The following KCNK2 variants were observed in gnomAD, a reference collection of about 807,000 sequenced individuals.
KCNK2 encodes the protein potassium channel subfamily K member 2.
In KCNK2, 21 loss-of-function variants were observed where a neutral mutation model predicts 40.5. The observed-to-expected ratio is 0.52, with a 90% CI of 0.37 to 0.75. KCNK2 has a LOEUF of 0.75. KCNK2 is among the 30% of genes least tolerant of loss of function. The pLI is 0.00. For missense variants in KCNK2, 399 were observed against 531.6 expected (o/e 0.75, Z 2.45); for synonymous variants, 191 against 202.2 (o/e 0.94, Z 0.47).
intron 3 of KCNK2, among the ~76,000 whole-genome samples, chr1:215,167,965 C>A (rs1344766298): frequency 6.6e-6 from 1 of 152,202 alleles, no homozygotes; most frequent in Middle Eastern, 3.4e-3. Context: ...TTTTTGCAAT[C>A]TACCCATCTA....
intron 1 of KCNK2, among the ~76,000 whole-genome samples, chr1:215,076,546 G>A (rs923826522): frequency 1.3e-5 from 2 of 152,188 alleles, no homozygotes; most frequent in Non-Finnish European, 2.9e-5. Flanking sequence ...CCTCTCTGGA[G>A]GGTTGATTTA....
intron 1 of KCNK2, among the ~76,000 whole-genome samples, chr1:215,072,907 T>C (rs1034048292): frequency 1.3e-5 from 2 of 152,140 alleles, no homozygotes; most frequent in African/African-American, 4.8e-5. Flanking sequence ...AAAGATATGC[T>C]GAAGTCCTAA....
At chr1:215,053,700 T>C (rs1360828251) in intron 1 of KCNK2, among the ~76,000 whole-genome samples, 5 of 152,222 alleles carry the variant, frequency 3.3e-5, no homozygotes, top group East Asian at 1.9e-4. Context: ...AAGCCTTAGA[T>C]AGATATTCTT....
intron 1 of KCNK2, among the ~76,000 whole-genome samples, chr1:215,017,852 A>T (rs1158946539): frequency 6.6e-6 from 1 of 151,704 alleles, no homozygotes; most frequent in Non-Finnish European, 1.5e-5. Context: ...TTTACTTGTC[A>T]ATTAAAGTAA....
chr1:215,125,416 T>A (rs1221922882), intron 3 of KCNK2, among the ~76,000 whole-genome samples: 1 of 152,154 alleles, frequency 6.6e-6, no homozygotes, highest in Admixed American at 6.6e-5. Flanking sequence ...ATGTTTGACA[T>A]CTTCTAAAGC....
intron 3 of KCNK2, among the ~76,000 whole-genome samples, chr1:215,147,921 T>G (rs1233746204): frequency 2.0e-5 from 3 of 152,148 alleles, no homozygotes; most frequent in African/African-American, 7.2e-5. Flanking sequence ...TTTAGGTTGC[T>G]TATTGAGGGC....
intron 2 of KCNK2, among the ~76,000 whole-genome samples, chr1:215,123,365 C>G (rs1212987667): frequency 6.6e-6 from 1 of 150,742 alleles, no homozygotes; most frequent in Non-Finnish European, 1.5e-5. Flanking sequence ...ATTATGGGTA[C>G]TTTTTATTAT....
chr1:215,005,646 C>T (rs1309593609), upstream of KCNK2: 2 of 423,700 alleles, frequency 4.7e-6, no homozygotes, highest in Non-Finnish European at 8.4e-6. Flanking sequence ...TATAGTTCCT[C>T]ATTTTAATCA....
intron 1 of KCNK2, among the ~76,000 whole-genome samples, chr1:215,020,615 G>T (rs558657585): frequency 1.3e-5 from 2 of 152,052 alleles, no homozygotes; most frequent in African/African-American, 2.4e-5. Context: ...TAGTAGGCAC[G>T]AGATTTCACC....
intron 6 of KCNK2, among the ~76,000 whole-genome samples, chr1:215,209,349 A>T (rs1386931986): frequency 5.6e-5 from 5 of 89,508 alleles, no homozygotes; most frequent in East Asian, 3.1e-4. Context: ...TAATATATAT[A>T]TTATATATAA....
intron 6 of KCNK2, among the ~76,000 whole-genome samples, chr1:215,208,379 G>A (rs1665408063): frequency 6.6e-6 from 1 of 152,046 alleles, no homozygotes; most frequent in South Asian, 2.1e-4. Flanking sequence ...AGAAGGGAGA[G>A]GAACAGGAAG....
intron 1 of KCNK2, among the ~76,000 whole-genome samples, chr1:215,027,021 A>AT (rs939595151): frequency 6.6e-6 from 1 of 151,722 alleles, no homozygotes; most frequent in South Asian, 2.1e-4. Flanking sequence ...TTTTCAAGGC[A>AT]TTTTTTTTCT....
At chr1:215,088,097 C>T (rs939768944) in intron 2 of KCNK2, among the ~76,000 whole-genome samples, 10 of 151,952 alleles carry the variant, frequency 6.6e-5, no homozygotes, top group African/African-American at 2.4e-4. Flanking sequence ...GTCCCAACTG[C>T]CCCCTTCCCT....
At chr1:215,088,884 T>G (rs1219209243) in intron 2 of KCNK2, among the ~76,000 whole-genome samples, 1 of 152,252 alleles carries the variant, frequency 6.6e-6, no homozygotes, top group Non-Finnish European at 1.5e-5. Context: ...AAAAATCTTT[T>G]TTATATCAAT....
chr1:215,220,821 T>A (rs1381299515), intron 6 of KCNK2, among the ~76,000 whole-genome samples: 1 of 146,946 alleles, frequency 6.8e-6, no homozygotes. Flanking sequence ...TGACTTAAAG[T>A]TGCAGTCCAC....
chr1:215,065,346 G>T (rs902313067), intron 1 of KCNK2, among the ~76,000 whole-genome samples: 8 of 151,978 alleles, frequency 5.3e-5, no homozygotes, highest in African/African-American at 1.9e-4. Context: ...AAATTTATAT[G>T]CTCTTTAAAT....
intron 1 of KCNK2, among the ~76,000 whole-genome samples, chr1:215,021,537 C>CTTTTTTTTTTTTTTT (rs538476962): frequency 2.1e-5 from 2 of 96,324 alleles, no homozygotes; most frequent in African/African-American, 8.9e-5. Flanking sequence ...GGACAACCAT[C>CTTTTTTTTTTTTTTT]TTTTTTTTTT....
At chr1:215,207,490 T>G (rs1426875724) in intron 6 of KCNK2, among the ~76,000 whole-genome samples, 3 of 152,330 alleles carry the variant, frequency 2.0e-5, no homozygotes, top group Non-Finnish European at 1.5e-5. Flanking sequence ...AATGATTAAC[T>G]GTGACACTGG....
chr1:215,207,293 G>A (rs747931448), intron 6 of KCNK2, among the ~76,000 whole-genome samples: 15 of 152,104 alleles, frequency 9.9e-5, no homozygotes, highest in Admixed American at 2.6e-4. Context: ...TCTCATAGGA[G>A]CGGGAACCCT....
Sources: allele counts gnomAD v4.1 joint callset (sites outside exome capture counted in the v4.1 genomes callset), GRCh38; gene constraint gnomAD v4.1.1; transcripts MANE v1.5; gene names NCBI Gene and HGNC (gene_info 2026-07-23, HGNC 2026-07-21).